KCNK16: variants seen among roughly 807,000 people sequenced by gnomAD.
KCNK16 encodes potassium channel subfamily K member 16.
A neutral mutation model predicts 23.0 loss-of-function variants in KCNK16; 23 were observed. The ratio of observed to expected loss-of-function variants is 1.00; its 90% CI spans 0.72 to 1.41. The LOEUF is 1.41. Among genes scored for constraint, KCNK16 ranks in the 40% most tolerant of loss-of-function variants. The pLI, the probability that KCNK16 is intolerant of heterozygous loss-of-function variation, is 0.00. For synonymous variants in KCNK16, 145 were observed against 153.5 expected (o/e 0.94, Z 0.41); for missense variants, 327 against 365.8 (o/e 0.89, Z 0.87).
intron 1 of KCNK16, among the ~76,000 whole-genome samples, chr6:39,321,464 G>A (rs552051194): frequency 6.6e-6 from 1 of 152,338 alleles, no homozygotes; most frequent in African/African-American, 2.4e-5. Context: ...TCAGTGTCAG[G>A]TGATGAGTGG....
intron 1 of KCNK16, 40 bp downstream of exon 1, chr6:39,322,288 C>T: frequency 1.9e-6 from 3 of 1,593,332 alleles, no homozygotes; most frequent in Non-Finnish European, 2.6e-6. Flanking sequence ...ACCAACCTTC[C>T]CAAGCCTCTC....
rs1762424680 is a variant in KCNK16 at position 39,319,082 on chromosome 6, T to G, written c.265A>C (p.Asn89His). Residue 89 changes from asparagine to histidine, a missense_variant, in exon 2 of 5, where the codon AAC (asparagine) becomes CAC (histidine). Asn to His is a moderately conservative substitution (Grantham distance 68, BLOSUM62 1). Coordinates refer to ENST00000437525, the MANE Select transcript of KCNK16 (RefSeq NM_001135106.2). This position sits in a 1 kb window ranked among gnomAD's most constrained non-coding sequence, Gnocchi z 4.2. ...CTGCCAAAGTCCCAGTTGCTGGGGT[T>G]GGTAGAGTTGCCTTTGGGGTTCACA... ...KGVNPKGNST[N>H]PSNWDFGSSF... The G allele has an allele frequency of 6.2e-7, 1 of 1,614,106 alleles. No homozygotes were observed. Among genetic ancestry groups the G allele is most frequent in the East Asian group, 2.2e-5 (1 of 44,872 alleles).
chr6:39,315,710 A>AT (rs958745825), downstream of KCNK16, among the ~76,000 whole-genome samples: 11 of 152,020 alleles, frequency 7.2e-5, no homozygotes, highest in Admixed American at 7.2e-4. Context: ...CCATCATAGC[A>AT]TTTTGGGCAC....
In KCNK16 at chr6:39,319,143, G is replaced by T. The variant is rs765709629; in HGVS notation, c.214-10C>A. 2.6e-6 allele frequency: 4 copies of T among 1,560,144 alleles called. No individual in the cohort carries two copies. Among genetic ancestry groups the T allele is most frequent in the Non-Finnish European group, 3.5e-6 (4 of 1,131,172 alleles). ...AGGCTTCCATGATGACCTGTAGGGG[G>T]TGGCATGGCAGGGGAGGAAGAAGGA... is the stretch of plus-strand genomic sequence containing the variant. On this transcript the variant is annotated splice_polypyrimidine_tract_variant and intron_variant, in intron 1 of 4. Coordinates refer to ENST00000437525, the MANE Select transcript of KCNK16 (RefSeq NM_001135106.2). The surrounding 1 kb of genome is among the most constrained non-coding windows in gnomAD (Gnocchi z 4.2).
In KCNK16 at chr6:39,319,181, TG is replaced by T. The variant is rs142607104; in HGVS notation, c.214-49del. 7,066 of 1,077,986 alleles carry T rather than the reference TG, an allele frequency of 6.6e-3. 190 individuals carry two copies. In the African/African-American group the frequency reaches 0.068, roughly 10 times the overall value. The allele number at this position is 1,077,986 out of a possible 1,614,324, so 66.8% of individuals were successfully genotyped here. On this transcript the variant is annotated intron_variant, in intron 1 of 4. Coordinates refer to ENST00000437525, the MANE Select transcript of KCNK16 (RefSeq NM_001135106.2). The surrounding 1 kb of genome is among the most constrained non-coding windows in gnomAD (Gnocchi z 4.2). ...GGAGGAAGAAGGAGCTGATGGTTAC[TG>T]GGCACCAGTTGTTGCCATGCTTTTG...
intron 4 of KCNK16, 31 bp downstream of exon 4, chr6:39,316,751 C>A: frequency 6.2e-7 from 1 of 1,602,616 alleles, no homozygotes; most frequent in South Asian, 1.1e-5. Flanking sequence ...GGCACCCCCA[C>A]CCTGAGATAA....
Position 39,321,737 on chromosome 6 carries a change from C to T in KCNK16, c.213+591G>A, listed in dbSNP as rs138629737. Among the ~76,000 whole-genome samples the T allele has an allele frequency of 3.5e-4, 53 of 152,340 alleles. No homozygotes were observed. The East Asian group carries it at 9.7e-3, about 28-fold the overall frequency. On this transcript the variant is annotated intron_variant, in intron 1 of 4. Transcript: ENST00000437525. ...CCACTCTGTTACCAAGAGAGAGCCC[C>T]ATTTGGGTGCAGTGCTGGCAAGCTC...
At position 39,322,592 on chromosome 6, in the gene KCNK16, G is replaced by A. The variant is rs1191534296; in HGVS notation, c.-52C>T. The A allele has an allele frequency of 3.9e-6, 6 of 1,529,434 alleles. No homozygotes were observed. The African/African-American group carries it at 6.8e-5, about 17-fold the overall frequency. The allele number at this position is 1,529,434 out of a possible 1,614,324, so 94.7% of individuals were successfully genotyped here. ...GTGGGGCTGGCTATGGGGGAGAGGT[G>A]GGAAACAGGTGAGGAGTAAGCACCT... On this transcript the variant is annotated 5_prime_UTR_variant, in exon 1 of 5. Transcript: ENST00000437525.
At position 39,316,283 on chromosome 6, in the gene KCNK16, T is replaced by C. The variant is rs1228060983; in HGVS notation, c.821A>G (p.Lys274Arg). ...ACTGGGGTCAGAGGCTGCCCCATCC[T>C]TGACGCCGAGGCCCCTACTGAGCAG... ...LWLLSRGLGV[K>R]DGAASDPSGL... The change falls in exon 5 of 5, where the codon AAG becomes AGG. Residue 274 changes from lysine (K) to arginine (R), a missense_variant. By Grantham distance (26) the Lys-to-Arg change is conservative. Transcript: ENST00000437525. 6.3e-7 allele frequency: 1 copy of C among 1,596,150 alleles called. No individual in the cohort carries two copies. The highest frequency in any genetic ancestry group is 2.3e-5 in the East Asian group (1 of 44,280).
In KCNK16 at chr6:39,316,406, C is replaced by T. The variant is rs756175658; in HGVS notation, c.698G>A (p.Arg233Gln). ...DPSKHYISVY[R>Q]SLAAIWILLG... ...GAGGATCCAGATGGCTGCCAGGCTC[C>T]GATACACTGAGATATAATGCTTGCT... The change falls in exon 5 of 5, where the codon CGG becomes CAG. Residue 233 changes from arginine (R) to glutamine (Q), a missense_variant. Arg to Gln is a conservative substitution (Grantham distance 43). Transcript: ENST00000437525. The T allele has an allele frequency of 4.3e-5, 70 of 1,611,574 alleles. No individual in the cohort carries two copies. Among genetic ancestry groups the T allele is most frequent in the East Asian group, 2.5e-4 (11 of 44,778 alleles).
intron 3 of KCNK16, 106 bp downstream of exon 3, chr6:39,317,680 C>T (rs1455176277): frequency 1.1e-5 from 14 of 1,275,506 alleles, no homozygotes; most frequent in Non-Finnish European, 1.5e-5. Context: ...CAGGCATCTA[C>T]CCCTAACACC....
chr6:39,321,050 C>T (rs1333392677), intron 1 of KCNK16, among the ~76,000 whole-genome samples: 3 of 152,186 alleles, frequency 2.0e-5, no homozygotes, highest in African/African-American at 7.2e-5. Context: ...ACCACCCAGC[C>T]CACGCATCAT....
Position 39,316,957 on chromosome 6 carries a change from A to G in KCNK16, c.496-10T>C. 6.2e-7 allele frequency: 1 copy of G among 1,605,356 alleles called. No homozygotes were observed. The highest frequency in any genetic ancestry group is 8.5e-7 in the Non-Finnish European group (1 of 1,176,750). On this transcript the variant is annotated splice_polypyrimidine_tract_variant and intron_variant, in intron 3 of 4. Transcript: ENST00000437525. ...CCAGGACTTGCAGTACCTAGGAGGG[A>G]GGGAGTTGGCCTCTGAGTCCACTTG...
upstream of KCNK16, chr6:39,322,778 A>T: frequency 1.8e-6 from 1 of 560,992 alleles, no homozygotes. Flanking sequence ...CTTTGTTTCC[A>T]TGGACAGCAG....
At position 39,322,634 on chromosome 6, in the gene KCNK16, G is replaced by A; in HGVS notation, c.-94C>T. ...TAAGCACCTAGGGGCCTGTGCCCAG[G>A]CTGCCGCCTGCCCTGCCCTCCTCCT... On this transcript the variant is annotated 5_prime_UTR_variant, in exon 1 of 5. Coordinates refer to ENST00000437525, the MANE Select transcript of KCNK16 (RefSeq NM_001135106.2). The A allele has an allele frequency of 5.4e-6, 8 of 1,470,822 alleles. No homozygotes were observed. The highest frequency in any genetic ancestry group is 6.3e-6 in the Non-Finnish European group (7 of 1,113,666). The allele number at this position is 1,470,822 out of a possible 1,614,324, so 91.1% of individuals were successfully genotyped here. A position where few individuals can be genotyped will look rare whatever the true frequency, so the allele number is the denominator to read the frequency against.
In KCNK16 at chr6:39,316,842, C is replaced by A; in HGVS notation, c.601G>T (p.Glu201Ter). The change falls in exon 4 of 5, where the codon GAG becomes TAG. Residue 201 changes from glutamate to a stop codon, truncating the protein, a stop_gained. Coordinates refer to ENST00000437525, the MANE Select transcript of KCNK16 (RefSeq NM_001135106.2). LOFTEE classifies it high-confidence loss of function. ...FSHVEGWSFS[E>*]GFYFAFITLS... is the part of the protein sequence containing the mutation. ...GTGATGAAAGCAAAGTAGAAGCCCTCGCTGAAGCTCCAGCCCTCCACATGG... is the reference window on the plus strand; with the variant it reads ...GTGATGAAAGCAAAGTAGAAGCCCTAGCTGAAGCTCCAGCCCTCCACATGG... 6.2e-7 allele frequency: 1 copy of A among 1,614,140 alleles called. No homozygotes were observed. The highest frequency in any genetic ancestry group is 8.5e-7 in the Non-Finnish European group (1 of 1,180,012).
Position 39,317,964 on chromosome 6 carries a change from G to C in KCNK16, c.329-12C>G. ...CAGGTTCCCATATCCTGCAAGGGAAGGGGGGCGTGTGCAAATATGGAGACT... is the reference window on the plus strand; with the variant it reads ...CAGGTTCCCATATCCTGCAAGGGAACGGGGGCGTGTGCAAATATGGAGACT... On this transcript the variant is annotated splice_polypyrimidine_tract_variant and intron_variant, in intron 2 of 4. Coordinates refer to ENST00000437525, the MANE Select transcript of KCNK16 (RefSeq NM_001135106.2). 1.3e-6 allele frequency: 2 copies of C among 1,591,736 alleles called. No homozygotes were observed. Among genetic ancestry groups the C allele is most frequent in the Non-Finnish European group, 1.7e-6 (2 of 1,166,780 alleles).
At position 39,319,793 on chromosome 6, in the gene KCNK16, ATGTGT is replaced by A. The variant is rs1283708137; in HGVS notation, c.214-665_214-661del. 6.7e-6 allele frequency among the ~76,000 whole-genome samples: 1 copy of A among 150,156 alleles called. No individual in the cohort carries two copies. The highest frequency in any genetic ancestry group is 2.5e-5 in the African/African-American group (1 of 40,670). On this transcript the variant is annotated intron_variant, in intron 1 of 4. Coordinates refer to ENST00000437525, the MANE Select transcript of KCNK16 (RefSeq NM_001135106.2). The surrounding 1 kb of genome is among the most constrained non-coding windows in gnomAD (Gnocchi z 4.2). ...TGTGTGTGGTGGTTGTTTATATGTG[ATGTGT>A]TGTATGCACGTGTTGTGCATGGCAA... is the stretch of plus-strand genomic sequence containing the variant.
downstream of KCNK16, chr6:39,315,478 C>T (rs544507595): frequency 4.7e-6 from 7 of 1,487,348 alleles, no homozygotes; most frequent in African/African-American, 7.0e-5. Context: ...GGTAGGACAC[C>T]CAAGAGGTCC....
Sources: gnomAD v4.1 joint callset for allele counts (sites outside exome capture counted in the v4.1 genomes callset) on GRCh38, gnomAD v4.1.1 for gene constraint, Gnocchi (gnomAD v3.1) non-coding constraint, MANE v1.5 for transcripts, NCBI Gene and HGNC (gene_info 2026-07-23, HGNC 2026-07-21) for gene names.